UGT1A10: variants seen among roughly 807,000 people sequenced by gnomAD.
The protein encoded by UGT1A10 is UDP glucuronosyltransferase family 1 member A10.
UGT1A10 carries 49 observed loss-of-function variants against 45.8 expected under a neutral mutation model. That is an observed-to-expected ratio of 1.07 (90% CI 0.85 to 1.36). The LOEUF is 1.36. Among genes scored for constraint, UGT1A10 ranks in the 40% most tolerant of loss-of-function variants. The pLI, the probability that UGT1A10 is intolerant of heterozygous loss-of-function variation, is 0.00. For synonymous variants in UGT1A10, 284 were observed against 249.7 expected (o/e 1.14, Z -1.29); for missense variants, 745 against 668.6 (o/e 1.11, Z -1.26).
At chr2:233,670,456 A>T (rs1370457022) in intron 1 of UGT1A10, among the ~76,000 whole-genome samples, 1 of 152,236 alleles carries the variant, frequency 6.6e-6, no homozygotes, top group Non-Finnish European at 1.5e-5. Flanking sequence ...TTCAGTGCCC[A>T]TTCATGGAAG....
intron 1 of UGT1A10, among the ~76,000 whole-genome samples, chr2:233,683,437 G>T (rs192559785): frequency 4.6e-5 from 7 of 152,160 alleles, no homozygotes; most frequent in South Asian, 2.1e-4. Context: ...GCAATAATAA[G>T]AATTCTTGTA....
intron 1 of UGT1A10, among the ~76,000 whole-genome samples, chr2:233,701,559 C>T (rs1345105589): frequency 1.3e-5 from 2 of 152,136 alleles, no homozygotes; most frequent in Admixed American, 6.5e-5. Context: ...CAGCACCACA[C>T]CACACCTACT....
rs144421115 is a variant in UGT1A10, at chr2:233,637,307, C to A, written c.785C>A (p.Pro262His). Residue 262 changes from proline (P) to histidine (H), a missense_variant, in exon 1 of 5, where the codon CCC becomes CAC. Physicochemically the swap from Pro to His is moderately conservative, Grantham distance 77. Transcript: ENST00000344644. ...LLRTDFVLDY[P>H]KPVMPNMIFI... ...CGAACGGACTTTGTTTTGGACTATCCCAAACCCGTGATGCCCAACATGATC... is the reference window on the plus strand; with the variant it reads ...CGAACGGACTTTGTTTTGGACTATCACAAACCCGTGATGCCCAACATGATC... 6.8e-6 allele frequency: 11 copies of A among 1,613,786 alleles called. No individual in the cohort carries two copies. Among genetic ancestry groups the A allele is most frequent in the Non-Finnish European group, 9.3e-6 (11 of 1,179,856 alleles).
In UGT1A10 at chr2:233,717,239, G is replaced by A. The variant is rs28898607; in HGVS notation, c.856-49795G>A. 4.1e-3 allele frequency among the ~76,000 whole-genome samples: 632 copies of A among 152,306 alleles called. 8 individuals are homozygous for A. Among genetic ancestry groups the A allele is most frequent in the African/African-American group, 0.014 (600 of 41,574 alleles). On this transcript the variant is annotated intron_variant, in intron 1 of 4. Coordinates refer to ENST00000344644, the MANE Select transcript of UGT1A10 (RefSeq NM_019075.4). ...TCATCAGGAGGGTTCTTAAGATGCAGACAGTTTTAAGGGGGTTGGAGGAAT... is the reference window on the plus strand; with the variant it reads ...TCATCAGGAGGGTTCTTAAGATGCAAACAGTTTTAAGGGGGTTGGAGGAAT...
At chr2:233,693,105 A>G (rs1433762628) in intron 1 of UGT1A10, 6 of 1,614,188 alleles carry the variant, frequency 3.7e-6, no homozygotes, top group Non-Finnish European at 4.2e-6. Context: ...GTGGTCCCTC[A>G]GGACGGAAGC....
chr2:233,643,473 G>T (rs930487538), intron 1 of UGT1A10, among the ~76,000 whole-genome samples: 4 of 152,056 alleles, frequency 2.6e-5, no homozygotes, highest in Non-Finnish European at 2.9e-5. Flanking sequence ...TCCCAGGGGA[G>T]CTCCAGAAAT....
At chr2:233,718,851 C>G in intron 1 of UGT1A10, 1 of 1,613,708 alleles carries the variant, frequency 6.2e-7, no homozygotes. Context: ...TCCCCTGCCG[C>G]GGCTGGCCAC....
chr2:233,718,702 T>C (rs904899091), intron 1 of UGT1A10: 3 of 1,600,624 alleles, frequency 1.9e-6, no homozygotes, highest in African/African-American at 2.7e-5. Context: ...GGGCACTTTG[T>C]CTTCCAATTA....
rs926528445 is a variant in UGT1A10, at chr2:233,671,817, T to TA, written c.855+34441dup. On this transcript the variant is annotated intron_variant, in intron 1 of 4. Coordinates refer to ENST00000344644, the MANE Select transcript of UGT1A10 (RefSeq NM_019075.4). ...CATTGTCAGTGACTGATTTTTTTTT[T>TA]ATGAAAGGATAAAAACACGCCCTCT... 2.3e-5 allele frequency: 33 copies of TA among 1,423,448 alleles called. No individual in the cohort carries two copies. In the East Asian group the frequency reaches 2.7e-4, roughly 12 times the overall value. 88.2% of individuals were successfully genotyped at this position (1,423,448 alleles called of 1,614,324 possible). A position where few individuals can be genotyped will look rare whatever the true frequency, so the allele number is the denominator to read the frequency against.
At chr2:233,770,541 C>T (rs745905860) in intron 4 of UGT1A10, 1 of 151,870 alleles carries the variant, frequency 6.6e-6, no homozygotes, top group Non-Finnish European at 1.5e-5. Flanking sequence ...GCCTGTAATC[C>T]CAGCTATTTG....
At chr2:233,665,728 A>T (rs889458873) in intron 1 of UGT1A10, among the ~76,000 whole-genome samples, 20 of 152,352 alleles carry the variant, frequency 1.3e-4, no homozygotes, top group Middle Eastern at 3.4e-3. Context: ...AAGATGCAAA[A>T]ATATAATAAT....
intron 1 of UGT1A10, among the ~76,000 whole-genome samples, chr2:233,709,220 T>C (rs199860266): frequency 1.3e-5 from 2 of 152,108 alleles, no homozygotes; most frequent in African/African-American, 4.8e-5. Context: ...ATTTGAGAGT[T>C]TGGGGGAGGG....
chr2:233,721,061 C>T (rs1345947029), intron 1 of UGT1A10, among the ~76,000 whole-genome samples: 1 of 152,076 alleles, frequency 6.6e-6, no homozygotes, highest in Non-Finnish European at 1.5e-5. Flanking sequence ...GTCATATTCA[C>T]TGAATTTATA....
chr2:233,645,070 A>G lies in UGT1A10; in HGVS notation c.855+7693A>G, dbSNP rs139548653. Among the ~76,000 whole-genome samples, 1,300 of 152,288 alleles carry G rather than the reference A, an allele frequency of 8.5e-3. 26 individuals carry two copies. Among genetic ancestry groups the G allele is most frequent in the African/African-American group, 0.03 (1,232 of 41,556 alleles). On this transcript the variant is annotated intron_variant, in intron 1 of 4. Transcript: ENST00000344644. ...TTTAGGGTTCTGGGTGGCTAGGGAC[A>G]TTGTCCAATATCAAAAGAACTTTAA...
rs202172337 is a variant in UGT1A10, at chr2:233,772,279, T to A, written c.1313T>A (p.Met438Lys). Residue 438 changes from methionine to lysine, a missense_variant, in exon 5 of 5, where the codon ATG (methionine) becomes AAG (lysine). Coordinates refer to ENST00000344644, the MANE Select transcript of UGT1A10 (RefSeq NM_019075.4). ...INDKSYKENIMRLSSLHKDRP... is the reference protein window; with the variant it reads ...INDKSYKENIKRLSSLHKDRP... ...GTGTTTAGTTACAAGGAGAACATCA[T>A]GCGCCTCTCCAGCCTTCACAAGGAC... 1.9e-6 allele frequency: 3 copies of A among 1,614,146 alleles called. No individual in the cohort carries two copies. Among genetic ancestry groups the A allele is most frequent in the African/African-American group, 2.7e-5 (2 of 74,942 alleles).
intron 1 of UGT1A10, among the ~76,000 whole-genome samples, chr2:233,667,605 A>G (rs1427669394): frequency 3.9e-5 from 6 of 152,224 alleles, no homozygotes; most frequent in Admixed American, 2.6e-4. Flanking sequence ...AACTTACAGA[A>G]TGGGAGAAAA....
intron 1 of UGT1A10, chr2:233,671,837 C>A: frequency 6.8e-7 from 1 of 1,463,918 alleles, no homozygotes; most frequent in Non-Finnish European, 9.0e-7. Flanking sequence ...TAAAAACACG[C>A]CCTCTATTGG....
chr2:233,695,755 T>A (rs1036590336), intron 1 of UGT1A10, among the ~76,000 whole-genome samples: 1 of 152,338 alleles, frequency 6.6e-6, no homozygotes, highest in Non-Finnish European at 1.5e-5. Flanking sequence ...CAGGTCTTCA[T>A]CCTTTTTTAT....
At chr2:233,692,837 T>C in intron 1 of UGT1A10, 1 of 1,449,168 alleles carries the variant, frequency 6.9e-7, no homozygotes, top group South Asian at 1.5e-5. Context: ...ATTAAAATGG[T>C]TAAATATTAA....
Sources: allele counts gnomAD v4.1 joint callset (sites outside exome capture counted in the v4.1 genomes callset), GRCh38; gene constraint gnomAD v4.1.1; transcripts MANE v1.5; gene names NCBI Gene and HGNC (gene_info 2026-07-23, HGNC 2026-07-21).